Variants in NELL1 observed in about 807,000 individuals in gnomAD.
NELL1 encodes the protein neural EGFL like 1.
NELL1 carries 76 observed loss-of-function variants against 107.4 expected under a neutral mutation model. That is an observed-to-expected ratio of 0.71 (90% CI 0.59 to 0.86). The LOEUF is 0.86. NELL1 is among the 40% of genes least tolerant of loss of function. The pLI is 0.00. For missense variants in NELL1, 1,024 were observed against 1,005.5 expected (o/e 1.02, Z -0.25); for synonymous variants, 353 against 341.2 (o/e 1.03, Z -0.38).
At chr11:20,842,709 G>C (rs1045429110) in intron 3 of NELL1, among the ~76,000 whole-genome samples, 3 of 152,060 alleles carry the variant, frequency 2.0e-5, no homozygotes, top group African/African-American at 7.2e-5. Context: ...TATAAAATAG[G>C]GATGATAATA....
intron 13 of NELL1, among the ~76,000 whole-genome samples, chr11:21,203,005 T>C (rs1857305665): frequency 1.3e-5 from 2 of 152,188 alleles, no homozygotes; most frequent in Non-Finnish European, 2.9e-5. Context: ...ACGACTTCCG[T>C]TCTTTTGCAT....
At chr11:20,835,355 C>T (rs1043288846) in intron 3 of NELL1, among the ~76,000 whole-genome samples, 1 of 152,178 alleles carries the variant, frequency 6.6e-6, no homozygotes, top group Non-Finnish European at 1.5e-5. Flanking sequence ...ACACTTAGTG[C>T]CTTCTTTGCA....
At chr11:20,779,449 T>C (rs1470056048) in intron 2 of NELL1, among the ~76,000 whole-genome samples, 1 of 152,262 alleles carries the variant, frequency 6.6e-6, no homozygotes, top group Non-Finnish European at 1.5e-5. Context: ...GCTTTATCTG[T>C]CCCATTTGTT....
Position 20,757,906 on chromosome 11 carries a change from T to G in NELL1, c.185-25774T>G, listed in dbSNP as rs538883736. ...ACTTGATGGCTTAAACAACAGAAATTTAACAGTTTTAGAGGCTGAGAAGTC... is the reference window on the plus strand; with the variant it reads ...ACTTGATGGCTTAAACAACAGAAATGTAACAGTTTTAGAGGCTGAGAAGTC... On this transcript the variant is annotated intron_variant, in intron 2 of 19. Coordinates refer to ENST00000357134, the MANE Select transcript of NELL1 (RefSeq NM_006157.5). Among the ~76,000 whole-genome samples, 5 of 152,284 alleles carry G rather than the reference T, an allele frequency of 3.3e-5. No individual in the cohort carries two copies. In the South Asian group the frequency reaches 1.0e-3, roughly 32 times the overall value.
chr11:21,199,055 A>G (rs922654395), intron 13 of NELL1, among the ~76,000 whole-genome samples: 9 of 152,144 alleles, frequency 5.9e-5, no homozygotes, highest in South Asian at 2.1e-4. Context: ...TTTTGTATCT[A>G]TTCTTTTTAC....
chr11:20,840,601 G>A (rs1848603842), intron 3 of NELL1, among the ~76,000 whole-genome samples: 1 of 152,238 alleles, frequency 6.6e-6, no homozygotes, highest in Non-Finnish European at 1.5e-5. Flanking sequence ...CTTCCTCACA[G>A]CAAGGTGGCC....
At position 21,573,267 on chromosome 11, in the gene NELL1, C is replaced by A; in HGVS notation, c.2240C>A (p.Pro747His). The A allele has an allele frequency of 1.2e-6, 2 of 1,612,466 alleles. No homozygotes were observed. The highest frequency in any genetic ancestry group is 1.7e-6 in the Non-Finnish European group (2 of 1,179,044). The part of the protein sequence containing the change: ...YTAILEGECC[P>H]RCVSDPCLAD... ...GCTATCTTAGAAGGGGAATGTTGTC[C>A]CCGCTGTGTCAGTGACCCCTGCCTA... The change falls in exon 19 of 20, where the codon CCC becomes CAC. Residue 747 changes from proline to histidine, a missense_variant. By Grantham distance (77) the Pro-to-His change is moderately conservative. Transcript: ENST00000357134.
Position 20,829,031 on chromosome 11 carries a change from C to T in NELL1, c.336-18552C>T, listed in dbSNP as rs147602074. Among the ~76,000 whole-genome samples, 555 of 152,204 alleles carry T rather than the reference C, an allele frequency of 3.6e-3. 1 individual carries two copies. Among genetic ancestry groups the T allele is most frequent in the Middle Eastern group, 0.01 (3 of 294 alleles). ...GGGATGTCGATCACTGGTTTGGCTT[C>T]CTTGGCTAGGCCTCTTAGGAGAGAA... On this transcript the variant is annotated intron_variant, in intron 3 of 19. Coordinates refer to ENST00000357134, the MANE Select transcript of NELL1 (RefSeq NM_006157.5).
chr11:20,837,078 C>T (rs1848545799), intron 3 of NELL1, among the ~76,000 whole-genome samples: 1 of 152,246 alleles, frequency 6.6e-6, no homozygotes, highest in East Asian at 1.9e-4. Flanking sequence ...TAGGAGCTGA[C>T]TTCCGGAACT....
intron 12 of NELL1, among the ~76,000 whole-genome samples, chr11:21,013,081 A>C (rs1852482999): frequency 6.6e-6 from 1 of 152,208 alleles, no homozygotes; most frequent in Non-Finnish European, 1.5e-5. Flanking sequence ...CTTATAAATT[A>C]AATTTCTGCC....
chr11:21,268,515 G>T (rs559641253), intron 14 of NELL1, among the ~76,000 whole-genome samples: 5 of 152,204 alleles, frequency 3.3e-5, no homozygotes, highest in Admixed American at 2.0e-4. Context: ...CCTTCCACAT[G>T]GGGGAAGAAA....
intron 2 of NELL1, among the ~76,000 whole-genome samples, chr11:20,723,754 A>C (rs562028146): frequency 6.6e-6 from 1 of 151,914 alleles, no homozygotes; most frequent in Non-Finnish European, 1.5e-5. Context: ...CCAACCCCAC[A>C]TTTTCCTTCC....
At chr11:21,379,454 T>C (rs962852418) in intron 15 of NELL1, among the ~76,000 whole-genome samples, 1 of 152,100 alleles carries the variant, frequency 6.6e-6, no homozygotes, top group African/African-American at 2.4e-5. Flanking sequence ...ATAGTAAGTA[T>C]CTGATCAAGA....
At chr11:20,872,598 T>C (rs1849223482) in intron 4 of NELL1, among the ~76,000 whole-genome samples, 1 of 151,902 alleles carries the variant, frequency 6.6e-6, no homozygotes, top group African/African-American at 2.4e-5. Context: ...TTTGGTGGTT[T>C]CCAAAGTCCT....
At chr11:21,136,247 G>A (rs1254816319) in intron 13 of NELL1, among the ~76,000 whole-genome samples, 1 of 151,908 alleles carries the variant, frequency 6.6e-6, no homozygotes. Context: ...ACTGAGCTTG[G>A]TATGTGTGAG....
At chr11:21,247,332 G>T (rs1858519120) in intron 14 of NELL1, among the ~76,000 whole-genome samples, 1 of 151,680 alleles carries the variant, frequency 6.6e-6, no homozygotes, top group South Asian at 2.1e-4. Flanking sequence ...TTTTTGACTG[G>T]TTTGCAATAA....
intron 12 of NELL1, among the ~76,000 whole-genome samples, chr11:21,061,133 A>G (rs1329252780): frequency 1.3e-5 from 2 of 152,252 alleles, no homozygotes; most frequent in African/African-American, 4.8e-5. Context: ...CCTACTGTGC[A>G]TTAACCACAG....
intron 15 of NELL1, among the ~76,000 whole-genome samples, chr11:21,486,876 T>A (rs1420549758): frequency 6.6e-6 from 1 of 151,918 alleles, no homozygotes; most frequent in Admixed American, 6.6e-5. Context: ...GAAGAAAGAA[T>A]CTCAATAGTT....
In NELL1 at chr11:20,936,645, ATTACT is replaced by A. The variant is rs1850731671; in HGVS notation, c.998-1140_998-1136del. On this transcript the variant is annotated intron_variant, in intron 9 of 19. Coordinates refer to ENST00000357134, the MANE Select transcript of NELL1 (RefSeq NM_006157.5). ...ATACATTCACTGATGTTATTATGTA[ATTACT>A]GTCTATTTCCCTGATTGTAAGCTCC... Among the ~76,000 whole-genome samples the A allele has an allele frequency of 2.0e-5, 3 of 151,954 alleles. No homozygotes were observed. The South Asian group carries it at 6.2e-4, about 31-fold the overall frequency.
Sources: allele counts gnomAD v4.1 joint callset (sites outside exome capture counted in the v4.1 genomes callset), GRCh38; gene constraint gnomAD v4.1.1; transcripts MANE v1.5; gene names NCBI Gene and HGNC (gene_info 2026-07-23, HGNC 2026-07-21).